The following ANO10 variants were observed in gnomAD, a reference collection of about 807,000 sequenced individuals.
ANO10 encodes the protein anoctamin 10, also known as anoctamin-10.
ANO10 carries 77 observed loss-of-function variants against 74.7 expected under a neutral mutation model. The observed-to-expected ratio is 1.03, with a 90% CI of 0.86 to 1.25. The LOEUF (loss-of-function observed/expected upper bound fraction) is 1.25, where lower values mean the gene tolerates loss of function less well. Among genes scored for constraint, ANO10 ranks in the 50% most tolerant of loss-of-function variants. The pLI is 0.00. For missense variants in ANO10, 721 were observed against 778.1 expected (o/e 0.93, Z 0.87); for synonymous variants, 279 against 284.9 (o/e 0.98, Z 0.21).
At chr3:43,432,172 G>A (rs965847118) in intron 12 of ANO10, among the ~76,000 whole-genome samples, 1 of 148,826 alleles carries the variant, frequency 6.7e-6, no homozygotes, top group Non-Finnish European at 1.5e-5. Flanking sequence ...CTGAGGCACA[G>A]TTTCTCCTTT....
intron 1 of ANO10, chr3:43,689,963 T>G (rs1005258881): frequency 3.9e-5 from 6 of 152,186 alleles, no homozygotes; most frequent in Non-Finnish European, 8.8e-5. Context: ...CAAAAGCAGG[T>G]TGCACCTGAT....
intron 12 of ANO10, among the ~76,000 whole-genome samples, chr3:43,383,978 T>C (rs946505855): frequency 6.6e-6 from 1 of 152,172 alleles, no homozygotes; most frequent in Admixed American, 6.5e-5. Context: ...GAAATCAAAC[T>C]GCTGCTGTTT....
Position 43,469,622 on chromosome 3 carries a change from T to C in ANO10, c.1798-36895A>G, listed in dbSNP as rs974183001. Among the ~76,000 whole-genome samples the C allele has an allele frequency of 9.2e-5, 14 of 152,308 alleles. No homozygotes were observed. In the East Asian group the frequency reaches 1.3e-3, roughly 15 times the overall value. ...CTAAACAAGAGATGCATGGTGGTCATTGCACAGGTATCACAGTCAAAGGTT... is the reference window on the plus strand; with the variant it reads ...CTAAACAAGAGATGCATGGTGGTCACTGCACAGGTATCACAGTCAAAGGTT... On this transcript the variant is annotated intron_variant, in intron 11 of 12. Transcript: ENST00000292246.
intron 11 of ANO10, among the ~76,000 whole-genome samples, chr3:43,466,633 GGTATAAAT>G (rs2075640561): frequency 6.6e-6 from 1 of 152,044 alleles, no homozygotes; most frequent in Non-Finnish European, 1.5e-5. Flanking sequence ...ATGGATCATA[GGTATAAAT>G]GTAAAAGTTA....
intron 12 of ANO10, among the ~76,000 whole-genome samples, chr3:43,389,584 G>A (rs538640224): frequency 1.3e-5 from 2 of 152,164 alleles, no homozygotes; most frequent in Non-Finnish European, 2.9e-5. Context: ...CCATGCAACT[G>A]TATTGGGTTG....
At chr3:43,445,932 T>C (rs1575832132) in intron 11 of ANO10, among the ~76,000 whole-genome samples, 1 of 152,228 alleles carries the variant, frequency 6.6e-6, no homozygotes, top group South Asian at 2.1e-4. Flanking sequence ...ACTCCTGAGC[T>C]CAAGCAATCT....
At chr3:43,432,037 C>T (rs950560498) in intron 12 of ANO10, among the ~76,000 whole-genome samples, 1 of 151,876 alleles carries the variant, frequency 6.6e-6, no homozygotes, top group Admixed American at 6.6e-5. Flanking sequence ...GTGAGAGATA[C>T]TCCAGGTGTC....
At chr3:43,541,137 G>A (rs936311510) in intron 11 of ANO10, among the ~76,000 whole-genome samples, 2 of 152,128 alleles carry the variant, frequency 1.3e-5, no homozygotes, top group Non-Finnish European at 2.9e-5. Context: ...CTCAACAATG[G>A]GAAATGGTGA....
At chr3:43,434,927 A>G (rs905353594) in intron 11 of ANO10, among the ~76,000 whole-genome samples, 3 of 152,340 alleles carry the variant, frequency 2.0e-5, no homozygotes, top group South Asian at 2.1e-4. Context: ...GTAATTCTCT[A>G]CAGTTTATTT....
At chr3:43,567,478 A>G (rs1185566944) in intron 7 of ANO10, among the ~76,000 whole-genome samples, 2,775 of 152,188 alleles carry the variant, frequency 0.018, 75 homozygotes, top group African/African-American at 0.062. Flanking sequence ...GACTAACAGC[A>G]GATCTCTCGG....
chr3:43,592,355 G>T (rs2081827531), intron 4 of ANO10, among the ~76,000 whole-genome samples: 1 of 152,146 alleles, frequency 6.6e-6, no homozygotes, highest in South Asian at 2.1e-4. Context: ...CCCAGTCGGG[G>T]CCAACTGACA....
At chr3:43,372,097 TG>T (rs2091633341) in intron 12 of ANO10, among the ~76,000 whole-genome samples, 1 of 152,122 alleles carries the variant, frequency 6.6e-6, no homozygotes, top group Non-Finnish European at 1.5e-5. Context: ...AATGTAAAAA[TG>T]TAAGACTTGC....
intron 1 of ANO10, among the ~76,000 whole-genome samples, chr3:43,635,899 C>T (rs779831903): frequency 1.8e-4 from 28 of 152,038 alleles, no homozygotes; most frequent in Admixed American, 5.9e-4. Flanking sequence ...GGATTACAGG[C>T]GTAGCCACCA....
intron 11 of ANO10, among the ~76,000 whole-genome samples, chr3:43,442,133 G>C (rs1213801456): frequency 6.6e-6 from 1 of 151,930 alleles, no homozygotes; most frequent in East Asian, 1.9e-4. Flanking sequence ...TGTCAACAAA[G>C]TACTGGAAGT....
intron 4 of ANO10, among the ~76,000 whole-genome samples, chr3:43,593,560 GA>G (rs1310825482): frequency 6.6e-6 from 1 of 152,318 alleles, no homozygotes; most frequent in Admixed American, 6.5e-5. Flanking sequence ...AGCAAATGCT[GA>G]AAGATTTTGT....
intron 4 of ANO10, among the ~76,000 whole-genome samples, chr3:43,597,450 A>G (rs951080677): frequency 7.9e-5 from 12 of 152,188 alleles, no homozygotes; most frequent in Non-Finnish European, 1.8e-4. Context: ...TGATGAGTTC[A>G]TGTCCTTTGT....
chr3:43,555,177 C>T, intron 10 of ANO10, 101 bp downstream of exon 10: 1 of 1,235,760 alleles, frequency 8.1e-7, no homozygotes, highest in Non-Finnish European at 1.2e-6. Context: ...ATTCAGTTTT[C>T]CTAAATCTCT....
At chr3:43,383,507 C>G (rs12495798) in intron 12 of ANO10, among the ~76,000 whole-genome samples, 3,044 of 149,816 alleles carry the variant, frequency 0.02, 186 homozygotes, top group Admixed American at 0.13. Context: ...GGGTTCCATA[C>G]CAGGGATGCA....
intron 1 of ANO10, among the ~76,000 whole-genome samples, chr3:43,669,615 G>A (rs141816569): frequency 1.1e-4 from 17 of 152,276 alleles, no homozygotes; most frequent in East Asian, 1.9e-4. Context: ...GCTAAAAAGA[G>A]TTGATTTTTC....
Sources: allele counts gnomAD v4.1 joint callset (sites outside exome capture counted in the v4.1 genomes callset), GRCh38; gene constraint gnomAD v4.1.1; transcripts MANE v1.5; gene names NCBI Gene and HGNC (gene_info 2026-07-23, HGNC 2026-07-21).